CSMD3: variants seen among roughly 807,000 people sequenced by gnomAD.
CSMD3 encodes the protein CUB and sushi domain-containing protein 3.
CSMD3 carries 177 observed loss-of-function variants against 435.2 expected under a neutral mutation model. The observed-to-expected ratio is 0.41, with a 90% confidence interval of 0.36 to 0.46. CSMD3 has a LOEUF of 0.46. Among genes scored for constraint, CSMD3 ranks in the 20% least tolerant of loss-of-function variants. CSMD3 has a pLI of 0.34. For synonymous variants in CSMD3, 1,656 were observed against 1,520.5 expected (o/e 1.09, Z -2.07); for missense variants, 4,265 against 4,504.6 (o/e 0.95, Z 1.52).
At chr8:113,372,073 T>A (rs1448080698) in intron 1 of CSMD3, among the ~76,000 whole-genome samples, 1 of 152,190 alleles carries the variant, frequency 6.6e-6, no homozygotes, top group Admixed American at 6.5e-5. Context: ...ATCCATTGAT[T>A]AACTGTTCAC....
chr8:113,083,244 A>G (rs984821148), intron 5 of CSMD3, among the ~76,000 whole-genome samples: 6 of 152,174 alleles, frequency 3.9e-5, no homozygotes, highest in Non-Finnish European at 5.9e-5. Context: ...AAACAGCAAG[A>G]GAAAAATGTC....
chr8:112,677,944 G>A (rs1246735741), intron 16 of CSMD3, among the ~76,000 whole-genome samples: 3 of 152,040 alleles, frequency 2.0e-5, no homozygotes, highest in African/African-American at 2.4e-5. Context: ...CTTTTCTAAT[G>A]TCCATGAAGG....
chr8:113,027,458 C>T (rs1383155037), intron 5 of CSMD3, among the ~76,000 whole-genome samples: 1 of 152,090 alleles, frequency 6.6e-6, no homozygotes, highest in Non-Finnish European at 1.5e-5. Context: ...CCACACTGTG[C>T]AAGTCATGTA....
At chr8:113,402,972 C>T (rs556458487) in intron 1 of CSMD3, among the ~76,000 whole-genome samples, 1 of 151,246 alleles carries the variant, frequency 6.6e-6, no homozygotes, top group Admixed American at 6.6e-5. Context: ...CTATTGGCTT[C>T]AAGACAGAAT....
chr8:112,917,296 T>G (rs1368229864), intron 10 of CSMD3, among the ~76,000 whole-genome samples: 1 of 151,906 alleles, frequency 6.6e-6, no homozygotes, highest in Non-Finnish European at 1.5e-5. Flanking sequence ...AATGCTATAT[T>G]GTGTGGCAAA....
At chr8:112,436,244 G>A (rs1028304724) in intron 32 of CSMD3, among the ~76,000 whole-genome samples, 1 of 151,728 alleles carries the variant, frequency 6.6e-6, no homozygotes, top group African/African-American at 2.4e-5. Context: ...AAAAAGACAT[G>A]TGTGCAACTA....
At chr8:112,697,050 T>G in intron 13 of CSMD3, among the ~76,000 whole-genome samples, 1 of 149,446 alleles carries the variant, frequency 6.7e-6, no homozygotes, top group South Asian at 2.1e-4. Context: ...CCAGTTAGAA[T>G]GGTGATCATT....
intron 7 of CSMD3, among the ~76,000 whole-genome samples, chr8:112,964,854 G>A (rs1206774441): frequency 5.9e-5 from 9 of 151,964 alleles, no homozygotes. Flanking sequence ...TACAAATGAT[G>A]TAATTGTGAA....
At chr8:112,952,875 T>C (rs2083875675) in intron 8 of CSMD3, among the ~76,000 whole-genome samples, 1 of 151,498 alleles carries the variant, frequency 6.6e-6, no homozygotes, top group African/African-American at 2.4e-5. Context: ...ATTAGAATTT[T>C]TTTTCCTAGA....
chr8:112,937,352 GTTT>G (rs5894122), intron 9 of CSMD3, among the ~76,000 whole-genome samples: 1 of 135,308 alleles, frequency 7.4e-6, no homozygotes, highest in Non-Finnish European at 1.6e-5. Flanking sequence ...AGGTAATAAT[GTTT>G]TTTTTTTTTT....
At position 113,314,607 on chromosome 8, in the gene CSMD3, T is replaced by C. The variant is rs2132669569; in HGVS notation, c.365A>G (p.Tyr122Cys). Residue 122 changes from tyrosine (Y) to cysteine (C), a missense_variant, in exon 2 of 71, where the codon TAT becomes TGT. By Grantham distance (194) the Tyr-to-Cys change is radical (BLOSUM62 -2). Transcript: ENST00000297405. ...LEEEYDYLSL[Y>C]DGHPHPTNFR... ...GTTTGTAGGATGAGGATGTCCATCATATAATGATAAGTAGTCGTATTCTTC... is the reference window on the plus strand; with the variant it reads ...GTTTGTAGGATGAGGATGTCCATCACATAATGATAAGTAGTCGTATTCTTC... 1.9e-6 allele frequency: 3 copies of C among 1,608,680 alleles called. No homozygotes were observed. Among genetic ancestry groups the C allele is most frequent in the East Asian group, 2.2e-5 (1 of 44,732 alleles).
chr8:112,989,243 T>C (rs1187309903), intron 6 of CSMD3, among the ~76,000 whole-genome samples: 1 of 152,036 alleles, frequency 6.6e-6, no homozygotes, highest in Admixed American at 6.6e-5. Flanking sequence ...AAAGACCTGA[T>C]ATATGGCACT....
At chr8:113,029,982 C>T (rs1458178735) in intron 5 of CSMD3, among the ~76,000 whole-genome samples, 1 of 151,450 alleles carries the variant, frequency 6.6e-6, no homozygotes, top group Non-Finnish European at 1.5e-5. Flanking sequence ...ATGCTAACAG[C>T]AACCAAGTGA....
chr8:112,631,914 C>T (rs560062878), intron 22 of CSMD3, among the ~76,000 whole-genome samples: 7 of 152,008 alleles, frequency 4.6e-5, no homozygotes, highest in African/African-American at 7.2e-5. Context: ...GTAAACTCTA[C>T]GATCAATCTA....
At chr8:113,397,415 C>G (rs2094488733) in intron 1 of CSMD3, among the ~76,000 whole-genome samples, 1 of 152,014 alleles carries the variant, frequency 6.6e-6, no homozygotes, top group African/African-American at 2.4e-5. Flanking sequence ...CCTTCTAGCC[C>G]ACTTGTGCGT....
At chr8:112,591,259 G>A (rs1196336256) in intron 22 of CSMD3, among the ~76,000 whole-genome samples, 1 of 152,044 alleles carries the variant, frequency 6.6e-6, no homozygotes, top group Non-Finnish European at 1.5e-5. Flanking sequence ...TGCTGAATAT[G>A]AAAATAATAT....
At chr8:112,668,109 T>A (rs1391762242) in intron 16 of CSMD3, among the ~76,000 whole-genome samples, 1 of 152,162 alleles carries the variant, frequency 6.6e-6, no homozygotes, top group Non-Finnish European at 1.5e-5. Flanking sequence ...AGAACTCTCA[T>A]AAAAACTAAG....
At chr8:112,591,720 T>C (rs1184673662) in intron 22 of CSMD3, among the ~76,000 whole-genome samples, 1 of 152,074 alleles carries the variant, frequency 6.6e-6, no homozygotes, top group African/African-American at 2.4e-5. Context: ...TTTTTCCATA[T>C]GTTTAATTAT....
chr8:112,738,817 T>G (rs376254164), intron 13 of CSMD3, among the ~76,000 whole-genome samples: 1 of 151,776 alleles, frequency 6.6e-6, no homozygotes, highest in South Asian at 2.1e-4. Context: ...TTAATGAATT[T>G]TATTTATTTT....
Sources: gnomAD v4.1 joint callset for allele counts (sites outside exome capture counted in the v4.1 genomes callset) on GRCh38, gnomAD v4.1.1 for gene constraint, MANE v1.5 for transcripts, NCBI Gene and HGNC (gene_info 2026-07-23, HGNC 2026-07-21) for gene names.